Variants in IQSEC1 observed in about 807,000 individuals in gnomAD.
The protein encoded by IQSEC1 is IQ motif and Sec7 domain ArfGEF 1, also known as IQ motif and SEC7 domain-containing protein 1.
A neutral mutation model predicts 91.0 loss-of-function variants in IQSEC1; 31 were observed. That is an observed-to-expected ratio of 0.34 (90% CI 0.26 to 0.46). IQSEC1 has a LOEUF of 0.46. Among genes scored for constraint, IQSEC1 ranks in the 20% least tolerant of loss-of-function variants. The pLI is 1.00. For synonymous variants in IQSEC1, 699 were observed against 662.6 expected, an observed-to-expected ratio of 1.05 and a Z score of -0.84; for missense variants, 1,388 against 1,575.6, an observed-to-expected ratio of 0.88 and a Z score of 2.02.
At chr3:13,261,414 C>T (rs1015750330) in intron 1 of IQSEC1, among the ~76,000 whole-genome samples, 7 of 152,202 alleles carry the variant, frequency 4.6e-5, no homozygotes, top group Admixed American at 3.9e-4. Flanking sequence ...CCATGCCCCT[C>T]GATGCCCCCT....
intron 1 of IQSEC1, among the ~76,000 whole-genome samples, chr3:13,199,963 C>T (rs966959026): frequency 2.7e-5 from 4 of 148,440 alleles, no homozygotes; most frequent in Non-Finnish European, 6.0e-5. Flanking sequence ...CACACATACA[C>T]ATACACCACA....
At position 13,085,268 on chromosome 3, in the gene IQSEC1, G is replaced by C. The variant is rs541601989; in HGVS notation, c.303-37746C>G. 2.6e-5 allele frequency among the ~76,000 whole-genome samples: 4 copies of C among 152,264 alleles called. No individual in the cohort carries two copies. The South Asian group carries it at 8.3e-4, about 32-fold the overall frequency. Reference sequence around the variant, plus strand: ...AACTGAACCGACCAGAGCAGCCCCAGTAGCAGCAAGGGTGATGTTAGGAGG... The same window carrying C: ...AACTGAACCGACCAGAGCAGCCCCACTAGCAGCAAGGGTGATGTTAGGAGG... On this transcript the variant is annotated intron_variant, in intron 2 of 15. Transcript: ENST00000648114.
At chr3:13,250,453 C>G (rs1032992598) in intron 1 of IQSEC1, among the ~76,000 whole-genome samples, 1 of 145,586 alleles carries the variant, frequency 6.9e-6, no homozygotes, top group Non-Finnish European at 1.5e-5. Flanking sequence ...GAGTCTTGCT[C>G]TGTCACCCAG....
chr3:13,058,982 G>T (rs1704973917), intron 1 of IQSEC1, among the ~76,000 whole-genome samples: 1 of 151,952 alleles, frequency 6.6e-6, no homozygotes, highest in Admixed American at 6.5e-5. Flanking sequence ...GGAGGTGGAT[G>T]GGGGGGTAGT....
intron 1 of IQSEC1, among the ~76,000 whole-genome samples, chr3:13,030,838 G>C (rs1391795353): frequency 6.6e-6 from 1 of 152,254 alleles, no homozygotes; most frequent in Non-Finnish European, 1.5e-5. Flanking sequence ...GCGCAAAGCT[G>C]TGCCACGCAG....
At chr3:12,943,407 G>C (rs548191276) in intron 1 of IQSEC1, among the ~76,000 whole-genome samples, 3 of 152,178 alleles carry the variant, frequency 2.0e-5, no homozygotes, top group Non-Finnish European at 4.4e-5. Context: ...CTCAGTGTAG[G>C]ACGAGCAGGG....
chr3:12,998,167 T>C (rs549342127), intron 1 of IQSEC1, among the ~76,000 whole-genome samples: 4 of 152,210 alleles, frequency 2.6e-5, no homozygotes, highest in Admixed American at 1.3e-4. Context: ...CTAGGCAACA[T>C]GGCAAAACAC....
At chr3:13,115,722 C>T (rs778963891) in intron 2 of IQSEC1, among the ~76,000 whole-genome samples, 1 of 152,254 alleles carries the variant, frequency 6.6e-6, no homozygotes, top group Non-Finnish European at 1.5e-5. Context: ...TGGGCACTCA[C>T]CAGACCCTCT....
chr3:12,924,457 G>A lies in IQSEC1; in HGVS notation c.1730+124C>T. Reference sequence around the variant, plus strand: ...TGTCTAGGACTTAGGAAGAGAGAAAGGGGGGCCCACCACATGTCCCAGCAA... The same window carrying A: ...TGTCTAGGACTTAGGAAGAGAGAAAAGGGGGCCCACCACATGTCCCAGCAA... On this transcript the variant is annotated intron_variant, in intron 4 of 13. Coordinates refer to ENST00000613206, the MANE Select transcript of IQSEC1 (RefSeq NM_001134382.3). This position sits in a 1 kb window ranked among gnomAD's most constrained non-coding sequence, Gnocchi z 6.3. The A allele has an allele frequency of 3.1e-6, 3 of 979,596 alleles. No homozygotes were observed. The highest frequency in any genetic ancestry group is 1.7e-5 in the African/African-American group (1 of 59,696). The allele number at this position is 979,596 out of a possible 1,614,324, so 60.7% of individuals were successfully genotyped here.
At chr3:13,149,243 G>C (rs144328926) in intron 2 of IQSEC1, among the ~76,000 whole-genome samples, 199 of 152,346 alleles carry the variant, frequency 1.3e-3, no homozygotes, top group African/African-American at 4.6e-3. Context: ...CCCATTCACA[G>C]TGGGAACCTC....
chr3:13,008,805 AGAG>A lies in IQSEC1; in HGVS notation c.23+64184_23+64186del, dbSNP rs1373963593. On this transcript the variant is annotated intron_variant, in intron 1 of 13. Coordinates refer to ENST00000613206, the MANE Select transcript of IQSEC1 (RefSeq NM_001134382.3). The surrounding 1 kb of genome is among the most constrained non-coding windows in gnomAD (Gnocchi z 4.1). The stretch of plus-strand genomic sequence containing the variant: ...CTCCAGGGCAGAAAGGGGAGCTCAC[AGAG>A]GAGGGGATATCCAGCTAACCCAGTG... Among the ~76,000 whole-genome samples, 1 of 152,222 alleles carries A rather than the reference AGAG, an allele frequency of 6.6e-6. No homozygotes were observed. The highest frequency in any genetic ancestry group is 2.4e-5 in the African/African-American group (1 of 41,458).
In IQSEC1 at chr3:13,207,807, C is replaced by T. The variant is rs904297607; in HGVS notation, c.273-43674G>A. Among the ~76,000 whole-genome samples the T allele has an allele frequency of 6.6e-6, 1 of 152,210 alleles. No homozygotes were observed. Among genetic ancestry groups the T allele is most frequent in the Non-Finnish European group, 1.5e-5 (1 of 68,040 alleles). On this transcript the variant is annotated intron_variant, in intron 1 of 15. Coordinates refer to the IQSEC1 transcript ENST00000648114. This position sits in a 1 kb window ranked among gnomAD's most constrained non-coding sequence, Gnocchi z 4.8. ...ATCCCTGCCACCCGGCCACGTGGTCCGGCCAGCCTTGTGTGGTCCCCATAC... is the reference window on the plus strand; with the variant it reads ...ATCCCTGCCACCCGGCCACGTGGTCTGGCCAGCCTTGTGTGGTCCCCATAC...
chr3:13,265,645 T>C (rs2125136323), intron 1 of IQSEC1, among the ~76,000 whole-genome samples: 1 of 152,092 alleles, frequency 6.6e-6, no homozygotes, highest in South Asian at 2.1e-4. Context: ...CCCTCATCCC[T>C]CTGGTGCAGC....
chr3:13,148,847 T>C (rs369796767), intron 2 of IQSEC1, among the ~76,000 whole-genome samples: 4 of 152,264 alleles, frequency 2.6e-5, no homozygotes, highest in African/African-American at 9.6e-5. Context: ...TTAAAGGGGC[T>C]GAGAATGCAG....
At chr3:12,918,268 A>G (rs1696297105) in intron 6 of IQSEC1, among the ~76,000 whole-genome samples, 1 of 152,192 alleles carries the variant, frequency 6.6e-6, no homozygotes, top group East Asian at 1.9e-4. Flanking sequence ...CTTCTTGGGA[A>G]TGGGGTGCAC....
intron 2 of IQSEC1, among the ~76,000 whole-genome samples, chr3:13,112,360 C>T (rs2124867769): frequency 6.6e-6 from 1 of 152,352 alleles, no homozygotes; most frequent in African/African-American, 2.4e-5. Flanking sequence ...CGACCTCTCC[C>T]TCTGAAAAGG....
chr3:12,920,605 C>CGGGA lies in IQSEC1; in HGVS notation c.1854-13_1854-10dup, dbSNP rs779054043. ...AGATGCAGTAGCGCTGGCTGCGGGC[C>CGGGA]GGGAGGGAGGGGGTCAGGGCCATGG... On this transcript the variant is annotated splice_polypyrimidine_tract_variant and intron_variant, in intron 5 of 13. Transcript: ENST00000613206. The CGGGA allele has an allele frequency of 2.5e-5, 40 of 1,613,382 alleles. No individual in the cohort carries two copies. Among genetic ancestry groups the CGGGA allele is most frequent in the Non-Finnish European group, 3.2e-5 (38 of 1,179,806 alleles).
chr3:13,061,856 G>A (rs76110298), intron 1 of IQSEC1, among the ~76,000 whole-genome samples: 16,047 of 152,258 alleles, frequency 0.11, 1,164 homozygotes, highest in East Asian at 0.26. Flanking sequence ...GGTTCGGGGG[G>A]CTGACCTCAT....
At chr3:12,999,495 T>C (rs1485930606) in intron 1 of IQSEC1, among the ~76,000 whole-genome samples, 1 of 152,166 alleles carries the variant, frequency 6.6e-6, no homozygotes, top group Non-Finnish European at 1.5e-5. Context: ...GTCTCGTCTG[T>C]CTGGGTTGGA....
Sources: gnomAD v4.1 joint callset for allele counts (sites outside exome capture counted in the v4.1 genomes callset) on GRCh38, gnomAD v4.1.1 for gene constraint, Gnocchi (gnomAD v3.1) non-coding constraint, MANE v1.5 for transcripts, NCBI Gene and HGNC (gene_info 2026-07-23, HGNC 2026-07-21) for gene names.